Variants in TEAD1 observed in about 807,000 individuals in gnomAD.
The protein encoded by TEAD1 is transcriptional enhancer factor TEF-1.
A neutral mutation model predicts 54.9 loss-of-function variants in TEAD1; 9 were observed. The ratio of observed to expected loss-of-function variants is 0.16; its 90% CI spans 0.10 to 0.29. The LOEUF is 0.29. Among genes scored for constraint, TEAD1 ranks in the 10% least tolerant of loss-of-function variants. The pLI is 1.00. For missense variants in TEAD1, 387 were observed against 535.9 expected (o/e 0.72, Z 2.74); for synonymous variants, 200 against 187.8 (o/e 1.07, Z -0.53).
chr11:12,844,959 CTTTTTTT>C (rs3046338), intron 3 of TEAD1, among the ~76,000 whole-genome samples: 4 of 64,670 alleles, frequency 6.2e-5, no homozygotes, highest in African/African-American at 1.9e-4. Context: ...TGTATGAAAT[CTTTTTTT>C]TTTTTTTTTT....
intron 3 of TEAD1, among the ~76,000 whole-genome samples, chr11:12,788,408 A>G (rs1945727273): frequency 6.6e-6 from 1 of 152,156 alleles, no homozygotes; most frequent in African/African-American, 2.4e-5. Context: ...CTAGGATTAC[A>G]GGCATGAGCC....
intron 2 of TEAD1, among the ~76,000 whole-genome samples, chr11:12,680,635 C>T (rs567269765): frequency 2.0e-5 from 3 of 152,318 alleles, no homozygotes; most frequent in Admixed American, 6.5e-5. Flanking sequence ...TCCCCGTACA[C>T]GTGCTCACAT....
intron 2 of TEAD1, among the ~76,000 whole-genome samples, chr11:12,706,733 G>A (rs1158838349): frequency 1.3e-5 from 2 of 152,128 alleles, no homozygotes; most frequent in Non-Finnish European, 1.5e-5. Context: ...TGGTGTGGCC[G>A]GGCCAGATGG....
chr11:12,768,117 A>G (rs1945244440), intron 3 of TEAD1, among the ~76,000 whole-genome samples: 2 of 152,194 alleles, frequency 1.3e-5, no homozygotes, highest in Non-Finnish European at 2.9e-5. Context: ...ACTAACCTTC[A>G]CTGGTTGCTT....
At chr11:12,899,159 C>G (rs1442198425) in intron 9 of TEAD1, among the ~76,000 whole-genome samples, 1 of 152,166 alleles carries the variant, frequency 6.6e-6, no homozygotes, top group Non-Finnish European at 1.5e-5. Context: ...GTATCTCATG[C>G]CTTCCATAAA....
At chr11:12,707,464 C>T (rs1181255804) in intron 2 of TEAD1, among the ~76,000 whole-genome samples, 1 of 152,246 alleles carries the variant, frequency 6.6e-6, no homozygotes, top group African/African-American at 2.4e-5. Context: ...TTAACTACCT[C>T]ACTCTCAGGC....
At chr11:12,699,601 GT>G in intron 2 of TEAD1, among the ~76,000 whole-genome samples, 1 of 152,194 alleles carries the variant, frequency 6.6e-6, no homozygotes, top group East Asian at 1.9e-4. Context: ...ACTGCATCCT[GT>G]TTATTTCTCT....
chr11:12,723,722 A>G (rs984132766), intron 2 of TEAD1, among the ~76,000 whole-genome samples: 3 of 152,212 alleles, frequency 2.0e-5, no homozygotes, highest in Non-Finnish European at 4.4e-5. Context: ...AACTTATAAA[A>G]TGTAGGTTGC....
chr11:12,803,098 CT>C (rs1318910279), intron 3 of TEAD1, among the ~76,000 whole-genome samples: 3 of 143,252 alleles, frequency 2.1e-5, no homozygotes, highest in Non-Finnish European at 4.7e-5. Context: ...ACATTTTCAC[CT>C]GTATTTTTTT....
chr11:12,717,766 C>T (rs760497368), intron 2 of TEAD1, among the ~76,000 whole-genome samples: 1 of 152,182 alleles, frequency 6.6e-6, no homozygotes, highest in African/African-American at 2.4e-5. Context: ...TTCTAGTCCT[C>T]AGGTGAGGTA....
At chr11:12,733,981 G>A (rs1348285406) in intron 2 of TEAD1, among the ~76,000 whole-genome samples, 1 of 152,190 alleles carries the variant, frequency 6.6e-6, no homozygotes, top group Non-Finnish European at 1.5e-5. Flanking sequence ...GTGTGATCAT[G>A]TGATAATAGC....
chr11:12,716,823 C>T lies in TEAD1; in HGVS notation c.-55+41262C>T, dbSNP rs12287326. On this transcript the variant is annotated intron_variant, in intron 2 of 12. Transcript: ENST00000527636. Reference sequence around the variant, plus strand: ...AAACAGATGGCAGACCAGATTTGGCCTGTGAGCCATGGTTTGCCAGCCCTC... The same window carrying T: ...AAACAGATGGCAGACCAGATTTGGCTTGTGAGCCATGGTTTGCCAGCCCTC... Among the ~76,000 whole-genome samples, 239 of 152,346 alleles carry T rather than the reference C, an allele frequency of 1.6e-3. 1 individual carries two copies. The highest frequency in any genetic ancestry group is 5.3e-3 in the African/African-American group (219 of 41,574).
intron 2 of TEAD1, among the ~76,000 whole-genome samples, chr11:12,753,100 T>C (rs537118339): frequency 6.6e-6 from 1 of 151,542 alleles, no homozygotes; most frequent in East Asian, 1.9e-4. Flanking sequence ...CATCTCGGCC[T>C]CCCAAAGTGC....
chr11:12,891,420 A>G (rs763101845), intron 9 of TEAD1, among the ~76,000 whole-genome samples: 6 of 152,220 alleles, frequency 3.9e-5, no homozygotes, highest in Non-Finnish European at 5.9e-5. Flanking sequence ...GGCAGGGGCC[A>G]TGGCTGAGGA....
At chr11:12,816,823 A>G (rs1033841858) in intron 3 of TEAD1, among the ~76,000 whole-genome samples, 1 of 152,192 alleles carries the variant, frequency 6.6e-6, no homozygotes, top group Non-Finnish European at 1.5e-5. Context: ...TGGAGGGGAC[A>G]AAGTGGGACA....
chr11:12,882,714 TC>T (rs1034731885), intron 8 of TEAD1, among the ~76,000 whole-genome samples: 3 of 152,204 alleles, frequency 2.0e-5, no homozygotes, highest in Non-Finnish European at 4.4e-5. Flanking sequence ...CTTGGCTTGG[TC>T]CCCAAGTAGA....
chr11:12,896,047 G>A (rs1051489711), intron 9 of TEAD1, among the ~76,000 whole-genome samples: 6 of 144,374 alleles, frequency 4.2e-5, no homozygotes, highest in African/African-American at 1.3e-4. Context: ...AAAAAAATTA[G>A]CATTCAGTTA....
chr11:12,776,729 A>G (rs1945426443), intron 3 of TEAD1, among the ~76,000 whole-genome samples: 1 of 149,960 alleles, frequency 6.7e-6, no homozygotes, highest in East Asian at 2.0e-4. Context: ...AATAAAATCA[A>G]ATTTGTTCTT....
intron 9 of TEAD1, among the ~76,000 whole-genome samples, chr11:12,898,560 A>G (rs1227463710): frequency 6.6e-6 from 1 of 151,040 alleles, no homozygotes; most frequent in African/African-American, 2.4e-5. Flanking sequence ...ACACCCGGCT[A>G]ATTTTTGTAT....
Sources: allele counts gnomAD v4.1 joint callset (sites outside exome capture counted in the v4.1 genomes callset), GRCh38; gene constraint gnomAD v4.1.1; transcripts MANE v1.5; gene names NCBI Gene and HGNC (gene_info 2026-07-23, HGNC 2026-07-21).